The following NAV2 variants were observed in gnomAD, a reference collection of about 807,000 sequenced individuals.
NAV2 encodes the protein helicase, APC down-regulated 1.
NAV2 carries 54 observed loss-of-function variants against 223.2 expected under a neutral mutation model. The observed-to-expected ratio is 0.24, with a 90% CI of 0.19 to 0.30. The LOEUF (loss-of-function observed/expected upper bound fraction) is 0.30. NAV2 is among the 10% of genes least tolerant of loss of function. The probability of loss-of-function intolerance (pLI) is 1.00; values close to 1 mark genes in which losing one functional copy is unlikely to be tolerated. For missense variants in NAV2, 2,806 were observed against 3,147.5 expected (o/e 0.89, Z 2.60); for synonymous variants, 1,279 against 1,239.3 (o/e 1.03, Z -0.67).
intron 5 of NAV2, chr11:19,884,353 A>C (rs1398708933): frequency 6.2e-7 from 1 of 1,613,554 alleles, no homozygotes; most frequent in South Asian, 1.1e-5. Context: ...GGTCAGAAAA[A>C]GATCTCTAGG....
intron 1 of NAV2, among the ~76,000 whole-genome samples, chr11:19,618,390 ATGG>A (rs1469111135): frequency 5.8e-4 from 59 of 101,056 alleles, no homozygotes; most frequent in African/African-American, 1.5e-3. Flanking sequence ...GGATGGATGG[ATGG>A]ATGAATAGAT....
At chr11:19,449,099 C>T (rs949361751) in intron 1 of NAV2, among the ~76,000 whole-genome samples, 6 of 152,132 alleles carry the variant, frequency 3.9e-5, no homozygotes, top group African/African-American at 1.4e-4. Flanking sequence ...ATTTTTGGTT[C>T]TCCACACTCC....
chr11:19,720,936 T>G (rs78476586), intron 1 of NAV2, among the ~76,000 whole-genome samples: 2 of 152,232 alleles, frequency 1.3e-5, no homozygotes, highest in African/African-American at 4.8e-5. Context: ...CTGCTGTACC[T>G]TCTTTGAAGT....
chr11:19,812,922 T>G (rs971037707), intron 1 of NAV2, among the ~76,000 whole-genome samples: 8 of 152,148 alleles, frequency 5.3e-5, no homozygotes, highest in Non-Finnish European at 1.2e-4. Flanking sequence ...CAGGCCCCTA[T>G]CTCTGAGCTT....
chr11:19,742,099 G>T (rs1420098804), intron 1 of NAV2, among the ~76,000 whole-genome samples: 1 of 152,018 alleles, frequency 6.6e-6, no homozygotes, highest in East Asian at 1.9e-4. Context: ...TTTTCCTGAT[G>T]ATTAGTGATG....
intron 1 of NAV2, among the ~76,000 whole-genome samples, chr11:19,463,816 G>C (rs948349665): frequency 2.6e-5 from 4 of 152,160 alleles, no homozygotes; most frequent in African/African-American, 7.2e-5. Context: ...GACAGAGTGT[G>C]GGGGCAGGGG....
chr11:19,577,689 G>A (rs201688426), intron 1 of NAV2, among the ~76,000 whole-genome samples: 2 of 152,144 alleles, frequency 1.3e-5, no homozygotes, highest in Admixed American at 6.5e-5. Flanking sequence ...AGCCTAACTC[G>A]GGAGCCAGCA....
At position 19,520,375 on chromosome 11, in the gene NAV2, G is replaced by A. The variant is rs1330618304; in HGVS notation, c.75+169348G>A. ...GACTTGCCAGGGCAGAAGGGAAGAA[G>A]CCATGGGATGCCCTGCCAACCCTGA... On this transcript the variant is annotated intron_variant, in intron 1 of 37. Transcript: ENST00000360655. 2.6e-5 allele frequency among the ~76,000 whole-genome samples: 4 copies of A among 152,240 alleles called. No individual in the cohort carries two copies. In the South Asian group the frequency reaches 8.3e-4, roughly 31 times the overall value.
upstream of NAV2, chr11:19,711,935 C>A (rs1476200527): frequency 6.6e-6 from 1 of 152,204 alleles, no homozygotes; most frequent in Non-Finnish European, 1.5e-5. Context: ...CACTTCTAAT[C>A]CAAGCAGTTC....
chr11:19,732,615 T>C (rs899803768), intron 1 of NAV2, among the ~76,000 whole-genome samples: 2 of 152,178 alleles, frequency 1.3e-5, no homozygotes, highest in South Asian at 2.1e-4. Flanking sequence ...TGGGAGAATA[T>C]ACCCCTGGCT....
At chr11:19,891,961 T>C (rs982695826) in intron 5 of NAV2, among the ~76,000 whole-genome samples, 1 of 152,156 alleles carries the variant, frequency 6.6e-6, no homozygotes, top group Non-Finnish European at 1.5e-5. Flanking sequence ...ACTTTGTTTT[T>C]GTTTTGTTTT....
At chr11:19,709,740 G>A (rs1421564909), upstream of NAV2, among the ~76,000 whole-genome samples, 4 of 151,886 alleles carry the variant, frequency 2.6e-5, no homozygotes, top group African/African-American at 4.8e-5. Context: ...AGCCAAGATC[G>A]CGCCATTGCA....
rs116818796 is a variant in NAV2 at position 19,423,633 on chromosome 11, G to A, written c.75+72606G>A. 5.2e-3 allele frequency among the ~76,000 whole-genome samples: 789 copies of A among 152,314 alleles called. 5 individuals are homozygous for A. The highest frequency in any genetic ancestry group is 0.018 in the African/African-American group (728 of 41,550). ...CTTGACATTCCTCTAAGGCAAGTACGATGTGAGGAAACAGTGGCTCAGAGA... is the reference window on the plus strand; with the variant it reads ...CTTGACATTCCTCTAAGGCAAGTACAATGTGAGGAAACAGTGGCTCAGAGA... On this transcript the variant is annotated intron_variant, in intron 1 of 37. Coordinates refer to the NAV2 transcript ENST00000360655.
chr11:19,738,128 A>C (rs1306813218), intron 1 of NAV2, among the ~76,000 whole-genome samples: 1 of 152,258 alleles, frequency 6.6e-6, no homozygotes, highest in African/African-American at 2.4e-5. Flanking sequence ...TCCTTCCCTG[A>C]CATGGCATGC....
At chr11:19,696,774 T>C (rs905511130) in intron 1 of NAV2, among the ~76,000 whole-genome samples, 1 of 152,228 alleles carries the variant, frequency 6.6e-6, no homozygotes, top group African/African-American at 2.4e-5. Context: ...CCAAGGACTT[T>C]AAGCACAAAA....
At chr11:19,407,911 A>T (rs1244970316) in intron 1 of NAV2, among the ~76,000 whole-genome samples, 1 of 152,182 alleles carries the variant, frequency 6.6e-6, no homozygotes, top group Non-Finnish European at 1.5e-5. Flanking sequence ...TGATAAGTAA[A>T]GAAAATTGTG....
At chr11:19,888,009 G>T (rs1050452953) in intron 5 of NAV2, among the ~76,000 whole-genome samples, 1 of 151,524 alleles carries the variant, frequency 6.6e-6, no homozygotes, top group Non-Finnish European at 1.5e-5. Flanking sequence ...GGATGCACTC[G>T]TAGGTTATGT....
At chr11:19,776,631 AAT>A (rs1491292302) in intron 1 of NAV2, among the ~76,000 whole-genome samples, 8 of 22,750 alleles carry the variant, frequency 3.5e-4, no homozygotes, top group East Asian at 3.5e-3. Context: ...GGGGTCAGAA[AAT>A]GTGTGTGTGT....
At chr11:19,646,683 A>G (rs1315943484) in intron 1 of NAV2, among the ~76,000 whole-genome samples, 1 of 152,082 alleles carries the variant, frequency 6.6e-6, no homozygotes, top group Non-Finnish European at 1.5e-5. Context: ...TCATACAACA[A>G]TTTTCAAATA....
Sources: gnomAD v4.1 joint callset for allele counts (sites outside exome capture counted in the v4.1 genomes callset) on GRCh38, gnomAD v4.1.1 for gene constraint, MANE v1.5 for transcripts, NCBI Gene and HGNC (gene_info 2026-07-23, HGNC 2026-07-21) for gene names.